Variants in PPP3CB observed in about 807,000 individuals in gnomAD.
The protein encoded by PPP3CB is protein phosphatase 3 catalytic subunit beta, also known as serine/threonine-protein phosphatase 2B catalytic subunit beta isoform.
PPP3CB carries 8 observed loss-of-function variants against 66.4 expected under a neutral mutation model. That is an observed-to-expected ratio of 0.12 (90% CI 0.07 to 0.22). The LOEUF (loss-of-function observed/expected upper bound fraction) is 0.22, where lower values mean the gene tolerates loss of function less well. Ranked by LOEUF, PPP3CB falls within the 10% of genes least tolerant of loss-of-function variation. The pLI is 1.00. For missense variants in PPP3CB, 319 were observed against 642.5 expected, an observed-to-expected ratio of 0.50 and a Z score of 5.44; for synonymous variants, 208 against 221.2, an observed-to-expected ratio of 0.94 and a Z score of 0.53.
chr10:73,489,344 C>A (rs2057035532), intron 1 of PPP3CB, among the ~76,000 whole-genome samples: 1 of 151,916 alleles, frequency 6.6e-6, no homozygotes, highest in Non-Finnish European at 1.5e-5. Context: ...TTGTTGCACA[C>A]AATATGGCCA....
chr10:73,443,294 A>AAG (rs143426323), intron 12 of PPP3CB, among the ~76,000 whole-genome samples: 3 of 131,698 alleles, frequency 2.3e-5, no homozygotes, highest in African/African-American at 1.1e-4. Flanking sequence ...GACAGAAAGA[A>AAG]AGAAAGAAAG....
At chr10:73,453,228 TA>T (rs2056373498) in intron 10 of PPP3CB, among the ~76,000 whole-genome samples, 1 of 152,196 alleles carries the variant, frequency 6.6e-6, no homozygotes, top group African/African-American at 2.4e-5. Context: ...AGTTCACAGC[TA>T]AAACGATGAA....
At chr10:73,476,474 G>A (rs776896630) in intron 3 of PPP3CB, among the ~76,000 whole-genome samples, 43 of 152,086 alleles carry the variant, frequency 2.8e-4, no homozygotes, top group Non-Finnish European at 5.0e-4. Context: ...AAAACTAGCC[G>A]GGAGTGGTGG....
At chr10:73,481,927 C>T (rs967222627) in intron 1 of PPP3CB, among the ~76,000 whole-genome samples, 1 of 151,624 alleles carries the variant, frequency 6.6e-6, no homozygotes, top group African/African-American at 2.4e-5. Flanking sequence ...ATATTTTACC[C>T]CCAAATATAG....
intron 1 of PPP3CB, among the ~76,000 whole-genome samples, chr10:73,489,954 C>T (rs547553495): frequency 6.6e-6 from 1 of 152,266 alleles, no homozygotes; most frequent in African/African-American, 2.4e-5. Flanking sequence ...AGTAAGATAG[C>T]CAATCCCTTC....
intron 4 of PPP3CB, among the ~76,000 whole-genome samples, chr10:73,474,576 G>A (rs186088709): frequency 6.6e-6 from 1 of 151,634 alleles, no homozygotes; most frequent in Non-Finnish European, 1.5e-5. Context: ...GGGACTACAA[G>A]AGTGTGCCGC....
intron 9 of PPP3CB, among the ~76,000 whole-genome samples, chr10:73,461,892 T>C (rs1214986503): frequency 6.6e-6 from 1 of 152,188 alleles, no homozygotes; most frequent in Non-Finnish European, 1.5e-5. Flanking sequence ...GGATTTCTCA[T>C]GAATAGTTTA....
chr10:73,488,255 C>CTGA (rs2057019121), intron 1 of PPP3CB, among the ~76,000 whole-genome samples: 1 of 152,058 alleles, frequency 6.6e-6, no homozygotes, highest in African/African-American at 2.4e-5. Context: ...CATCAAAAGG[C>CTGA]TGATCATGGC....
At chr10:73,460,390 A>G (rs1218170548) in intron 9 of PPP3CB, among the ~76,000 whole-genome samples, 1 of 152,112 alleles carries the variant, frequency 6.6e-6, no homozygotes, top group Non-Finnish European at 1.5e-5. Context: ...AGTACTGAGA[A>G]TGTGAAGATA....
intron 4 of PPP3CB, among the ~76,000 whole-genome samples, 192 bp downstream of exon 4, chr10:73,474,727 A>AC (rs2056761348): frequency 6.6e-6 from 1 of 152,118 alleles, no homozygotes; most frequent in Admixed American, 6.5e-5. Context: ...GGCGTGAACC[A>AC]CCATGCCCCA....
rs1384809963 is a variant in PPP3CB at position 73,477,100 on chromosome 10, T to TAACCTCTCTA, written c.411+1389_411+1398dup. ...CTAATAATACCTTGGGCAAGTTACT[T>TAACCTCTCTA]AACCTCTCTAAGCCTCAGGTTCCTC... On this transcript the variant is annotated intron_variant, in intron 3 of 13. Transcript: ENST00000360663. The TAACCTCTCTA allele has an allele frequency of 2.6e-5, 13 of 507,702 alleles. 1 individual carries two copies. In the East Asian group the frequency reaches 7.1e-4, roughly 28 times the overall value. 31.4% of individuals were successfully genotyped at this position (507,702 alleles called of 1,614,324 possible).
chr10:73,458,634 T>C (rs940024063), intron 9 of PPP3CB, among the ~76,000 whole-genome samples: 2 of 151,204 alleles, frequency 1.3e-5, no homozygotes, highest in East Asian at 3.9e-4. Flanking sequence ...CCTGTCTCTA[T>C]ATTAAAATAT....
intron 10 of PPP3CB, among the ~76,000 whole-genome samples, chr10:73,446,950 AG>A (rs1481843242): frequency 3.9e-5 from 6 of 152,248 alleles, no homozygotes; most frequent in African/African-American, 1.4e-4. Flanking sequence ...TTTTCATGAC[AG>A]CCTATGGCAT....
At chr10:73,445,815 C>G (rs2056240066) in intron 11 of PPP3CB, among the ~76,000 whole-genome samples, 1 of 149,600 alleles carries the variant, frequency 6.7e-6, no homozygotes. Flanking sequence ...GTGGCGTCAT[C>G]TCAGATCACT....
At chr10:73,444,384 C>T in intron 12 of PPP3CB, 1 of 567,924 alleles carries the variant, frequency 1.8e-6, no homozygotes, top group Non-Finnish European at 3.0e-6. Context: ...ATCCCTGATT[C>T]ACATTCTGAA....
intron 13 of PPP3CB, 32 bp downstream of exon 13, chr10:73,439,840 A>T (rs1246823677): frequency 1.2e-6 from 2 of 1,606,518 alleles, no homozygotes; most frequent in East Asian, 2.2e-5. Flanking sequence ...CACACCACAG[A>T]TCTCTGCCCA....
Position 73,438,122 on chromosome 10 carries a change from G to T in PPP3CB, c.*120C>A. 1 of 1,015,776 alleles carries T rather than the reference G, an allele frequency of 9.8e-7. No homozygotes were observed. The highest frequency in any genetic ancestry group is 1.4e-6 in the Non-Finnish European group (1 of 703,454). 62.9% of individuals were successfully genotyped at this position (1,015,776 alleles called of 1,614,324 possible). On this transcript the variant is annotated 3_prime_UTR_variant, in exon 14 of 14. Coordinates refer to ENST00000360663, the MANE Select transcript of PPP3CB (RefSeq NM_021132.4). ...CAGGAAGGGGGCTAGGGTCTCAGAA[G>T]CACAATGGTTTCTTCAGAGAGACTG...
chr10:73,444,406 TAAAAG>T, intron 12 of PPP3CB: 2 of 634,522 alleles, frequency 3.2e-6, no homozygotes, highest in Non-Finnish European at 2.5e-6. Flanking sequence ...CTGGGGCTTT[TAAAAG>T]AAAAGGGTGA....
chr10:73,452,025 C>T (rs1353329252), intron 10 of PPP3CB, among the ~76,000 whole-genome samples: 3 of 151,532 alleles, frequency 2.0e-5, no homozygotes, highest in Non-Finnish European at 1.5e-5. Flanking sequence ...GGATTACAGG[C>T]GTGAGCCACC....
Sources: gnomAD v4.1 joint callset for allele counts (sites outside exome capture counted in the v4.1 genomes callset) on GRCh38, gnomAD v4.1.1 for gene constraint, MANE v1.5 for transcripts, NCBI Gene and HGNC (gene_info 2026-07-23, HGNC 2026-07-21) for gene names.